ATAD2B: variants seen among roughly 807,000 people sequenced by gnomAD.
The protein encoded by ATAD2B is ATPase family AAA domain-containing protein 2B.
A neutral mutation model predicts 167.6 loss-of-function variants in ATAD2B; 40 were observed. The ratio of observed to expected loss-of-function variants is 0.24; its 90% CI spans 0.19 to 0.31. ATAD2B has a LOEUF of 0.31. ATAD2B is among the 10% of genes least tolerant of loss of function. The pLI is 1.00. For synonymous variants in ATAD2B, 579 were observed against 596.5 expected (o/e 0.97, Z 0.43); for missense variants, 1,242 against 1,757.2 (o/e 0.71, Z 5.24).
intron 1 of ATAD2B, among the ~76,000 whole-genome samples, chr2:23,898,463 C>A (rs1700395478): frequency 6.6e-6 from 1 of 152,146 alleles, no homozygotes; most frequent in Admixed American, 6.5e-5. Flanking sequence ...TCCATCTTTC[C>A]CGTCTTTCCA....
intron 22 of ATAD2B, among the ~76,000 whole-genome samples, chr2:23,780,863 C>T (rs1679919782): frequency 6.6e-6 from 1 of 152,140 alleles, no homozygotes; most frequent in African/African-American, 2.4e-5. Flanking sequence ...ACTATCGCGC[C>T]ACTGCACTCC....
chr2:23,754,799 C>T (rs1167680634), intron 25 of ATAD2B, 25 bp from the exon 26 acceptor site: 2 of 1,598,466 alleles, frequency 1.3e-6, no homozygotes, highest in Non-Finnish European at 1.7e-6. Context: ...AAAAAATACA[C>T]TGCAGCAAGT....
chr2:23,703,936 T>C, the ATAD2B span: 1 of 1,440,736 alleles, frequency 6.9e-7, no homozygotes, highest in Non-Finnish European at 9.2e-7. Flanking sequence ...CCACAATGAT[T>C]TCCTGCCATC....
intron 2 of ATAD2B, 112 bp downstream of exon 2, chr2:23,895,707 T>C: frequency 1.5e-6 from 1 of 664,712 alleles, no homozygotes; most frequent in Non-Finnish European, 2.3e-6. Context: ...AATTTACTTA[T>C]AAGTATTTAC....
At chr2:23,906,889 C>T (rs897499637) in intron 1 of ATAD2B, among the ~76,000 whole-genome samples, 2 of 151,536 alleles carry the variant, frequency 1.3e-5, no homozygotes, top group African/African-American at 4.9e-5. Context: ...TCAATAGATG[C>T]AGAAAAGGCC....
intron 1 of ATAD2B, among the ~76,000 whole-genome samples, chr2:23,921,842 T>C (rs972203653): frequency 1.3e-5 from 2 of 152,210 alleles, no homozygotes; most frequent in East Asian, 1.9e-4. Context: ...AGGAAAAACT[T>C]GCTCTGTTCT....
chr2:23,896,003 TC>T, intron 1 of ATAD2B, 33 bp from the exon 2 acceptor site: 1 of 1,545,662 alleles, frequency 6.5e-7, no homozygotes, highest in Non-Finnish European at 8.8e-7. Flanking sequence ...TATTTATTAT[TC>T]CTATTAAGAT....
chr2:23,854,264 C>T (rs2149933760), intron 13 of ATAD2B, among the ~76,000 whole-genome samples: 1 of 151,822 alleles, frequency 6.6e-6, no homozygotes, highest in African/African-American at 2.4e-5. Context: ...AAAAGAATAC[C>T]TGTATTAAAA....
At chr2:23,823,802 A>AC (rs70941592) in intron 15 of ATAD2B, among the ~76,000 whole-genome samples, 146,443 of 152,294 alleles carry the variant, frequency 0.96, 70,405 homozygotes, top group East Asian at 0.99. Context: ...TTTTTAATTA[A>AC]AAAAAACATA....
intron 24 of ATAD2B, among the ~76,000 whole-genome samples, chr2:23,760,733 TACAC>T (rs1241441472): frequency 4.8e-4 from 60 of 124,908 alleles, no homozygotes; most frequent in Non-Finnish European, 1.2e-4. Flanking sequence ...CACACACATA[TACAC>T]ACACACACAC....
In ATAD2B at chr2:23,880,904, T is replaced by C. The variant is rs1332233163; in HGVS notation, c.785-149A>G. 5.1e-6 allele frequency: 3 copies of C among 587,162 alleles called. No individual in the cohort carries two copies. In the East Asian group the frequency reaches 8.9e-5, roughly 17 times the overall value. 36.4% of individuals were successfully genotyped at this position (587,162 alleles called of 1,614,324 possible). On this transcript the variant is annotated intron_variant, in intron 6 of 27. Transcript: ENST00000238789. Reference sequence around the variant, plus strand: ...GCCAACATATTACGTAAAGCATACATAATTAAAAATCAACCTAAATGGATG... The same window carrying C: ...GCCAACATATTACGTAAAGCATACACAATTAAAAATCAACCTAAATGGATG...
chr2:23,898,534 T>C (rs1249889669), intron 1 of ATAD2B, among the ~76,000 whole-genome samples: 1 of 152,208 alleles, frequency 6.6e-6, no homozygotes, highest in East Asian at 1.9e-4. Context: ...CTAAAATGTA[T>C]ACAATGAAGC....
chr2:23,745,415 A>AAG (rs1272749448), downstream of ATAD2B, among the ~76,000 whole-genome samples: 53 of 96,114 alleles, frequency 5.5e-4, no homozygotes, highest in Admixed American at 8.8e-4. Context: ...GAAGGAAGGA[A>AAG]GGAAGGAAAG....
At chr2:23,754,856 T>C in intron 25 of ATAD2B, 82 bp from the exon 26 acceptor site, 5 of 1,381,108 alleles carry the variant, frequency 3.6e-6, no homozygotes, top group Non-Finnish European at 4.9e-6. Flanking sequence ...TTCTTTTACC[T>C]ACCACACAAA....
chr2:23,921,347 A>G (rs1477569825), intron 1 of ATAD2B, among the ~76,000 whole-genome samples: 1 of 152,208 alleles, frequency 6.6e-6, no homozygotes, highest in Non-Finnish European at 1.5e-5. Flanking sequence ...ATTCAAAGTA[A>G]TATGGCACTT....
intron 7 of ATAD2B, among the ~76,000 whole-genome samples, chr2:23,879,944 G>A (rs1195401538): frequency 1.3e-5 from 2 of 151,886 alleles, no homozygotes; most frequent in African/African-American, 4.8e-5. Context: ...TGTAATCCCA[G>A]CTACTCAGGA....
At chr2:23,687,826 G>A in the ATAD2B span, among the ~76,000 whole-genome samples, 2 of 152,184 alleles carry the variant, frequency 1.3e-5, no homozygotes, top group Non-Finnish European at 2.9e-5. Flanking sequence ...GCTTGCAGGG[G>A]ACGCGGCTGG....
At chr2:23,680,727 G>C in the ATAD2B span, among the ~76,000 whole-genome samples, 1 of 151,686 alleles carries the variant, frequency 6.6e-6, no homozygotes, top group Non-Finnish European at 1.5e-5. This position sits in a 1 kb window ranked among gnomAD's most constrained non-coding sequence, Gnocchi z 4.1. Flanking sequence ...GGGTCTCTAG[G>C]CCATCTTCCC....
chr2:23,878,295 A>C (rs1697340951), intron 7 of ATAD2B, among the ~76,000 whole-genome samples: 1 of 151,780 alleles, frequency 6.6e-6, no homozygotes, highest in African/African-American at 2.4e-5. Context: ...CAGGAGGCGG[A>C]GGCTGCAGTG....
Sources: allele counts gnomAD v4.1 joint callset (sites outside exome capture counted in the v4.1 genomes callset), GRCh38; gene constraint gnomAD v4.1.1; non-coding constraint Gnocchi (gnomAD v3.1); transcripts MANE v1.5; gene names NCBI Gene and HGNC (gene_info 2026-07-23, HGNC 2026-07-21).